The following NECTIN3 variants were observed in gnomAD, a reference collection of about 807,000 sequenced individuals.
NECTIN3 encodes the protein nectin-3.
A neutral mutation model predicts 49.4 loss-of-function variants in NECTIN3; 8 were observed. The observed-to-expected ratio is 0.16, with a 90% confidence interval of 0.10 to 0.29. NECTIN3 has a LOEUF of 0.29. NECTIN3 is among the 10% of genes least tolerant of loss of function. NECTIN3 has a pLI of 1.00. For synonymous variants in NECTIN3, 277 were observed against 241.1 expected (o/e 1.15, Z -1.38); for missense variants, 581 against 654.6 (o/e 0.89, Z 1.23).
chr3:111,126,037 C>G (rs1055284898), intron 4 of NECTIN3, 147 bp from the exon 5 acceptor site: 21 of 545,752 alleles, frequency 3.8e-5, no homozygotes, highest in Admixed American at 1.3e-4. Context: ...AAATTTGTTA[C>G]TTTTTTTTTA....
intron 1 of NECTIN3, chr3:111,072,499 C>T (rs1286543929): frequency 2.6e-6 from 4 of 1,535,830 alleles, no homozygotes; most frequent in East Asian, 2.4e-5. Context: ...CGCTCATTCT[C>T]TGGGAACCCT....
At chr3:111,090,737 C>T (rs2032217718) in intron 1 of NECTIN3, among the ~76,000 whole-genome samples, 1 of 151,724 alleles carries the variant, frequency 6.6e-6, no homozygotes, top group Non-Finnish European at 1.5e-5. Context: ...CTCTGAAGAT[C>T]ATCCTTTGTA....
chr3:111,079,778 C>A (rs1170253493), intron 1 of NECTIN3, among the ~76,000 whole-genome samples: 1 of 151,852 alleles, frequency 6.6e-6, no homozygotes, highest in East Asian at 2.0e-4. Context: ...TTACTGCCAA[C>A]ACAATCTTTG....
intron 7 of NECTIN3, among the ~76,000 whole-genome samples, chr3:111,182,469 A>G (rs1404387529): frequency 6.6e-6 from 1 of 152,086 alleles, no homozygotes; most frequent in East Asian, 1.9e-4. Flanking sequence ...TCTCCTTTCA[A>G]TTCTGTCGGT....
intron 1 of NECTIN3, among the ~76,000 whole-genome samples, chr3:111,081,967 T>A (rs1262476863): frequency 6.6e-6 from 1 of 152,176 alleles, no homozygotes; most frequent in Non-Finnish European, 1.5e-5. Context: ...GGCAGAAATG[T>A]AAAAAATATA....
chr3:111,078,097 T>G (rs116203594), intron 1 of NECTIN3, among the ~76,000 whole-genome samples: 363 of 152,348 alleles, frequency 2.4e-3, no homozygotes, highest in African/African-American at 8.3e-3. Flanking sequence ...TCATTTCAAT[T>G]TGGACTAGCC....
intron 1 of NECTIN3, among the ~76,000 whole-genome samples, chr3:111,075,586 AT>A (rs1224789995): frequency 6.6e-5 from 10 of 152,138 alleles, no homozygotes; most frequent in African/African-American, 2.4e-4. Context: ...GGTATTAGTG[AT>A]TCTTAAATTC....
intron 7 of NECTIN3, among the ~76,000 whole-genome samples, chr3:111,177,639 A>G (rs997445850): frequency 2.0e-5 from 3 of 152,214 alleles, no homozygotes; most frequent in African/African-American, 7.2e-5. Flanking sequence ...TGTTGATGAA[A>G]CTAAGGTTTA....
At chr3:111,072,293 G>T in intron 1 of NECTIN3, 116 bp downstream of exon 1, 1 of 1,446,932 alleles carries the variant, frequency 6.9e-7, no homozygotes, top group Non-Finnish European at 9.0e-7. Context: ...TTGTGCGAGC[G>T]AGTGCCGAGG....
At chr3:111,116,836 CTG>C (rs2033707486) in intron 2 of NECTIN3, among the ~76,000 whole-genome samples, 1 of 151,984 alleles carries the variant, frequency 6.6e-6, no homozygotes, top group African/African-American at 2.4e-5. Context: ...ATTGAGAAGT[CTG>C]TGATAATATC....
At chr3:111,072,389 C>G in intron 1 of NECTIN3, 1 of 1,509,242 alleles carries the variant, frequency 6.6e-7, no homozygotes, top group Non-Finnish European at 8.8e-7. Context: ...GCCCGCTGCC[C>G]TCCCCCGCGG....
chr3:111,088,554 T>C (rs1177381794), intron 1 of NECTIN3, among the ~76,000 whole-genome samples: 1 of 152,126 alleles, frequency 6.6e-6, no homozygotes, highest in Non-Finnish European at 1.5e-5. Context: ...TATGATTTTT[T>C]CCCCCATTTT....
intron 1 of NECTIN3, chr3:111,072,384 C>A: frequency 6.7e-7 from 1 of 1,500,810 alleles, no homozygotes; most frequent in Non-Finnish European, 8.8e-7. Context: ...CGGCGGCCCG[C>A]TGCCCTCCCC....
intron 1 of NECTIN3, chr3:111,072,545 T>G (rs1158385489): frequency 2.0e-6 from 3 of 1,535,688 alleles, no homozygotes; most frequent in African/African-American, 1.4e-5. Context: ...GTTTGCCGCT[T>G]TTTTTCCCGG....
At chr3:111,126,392 G>T in intron 5 of NECTIN3, 57 bp downstream of exon 5, 1 of 1,375,120 alleles carries the variant, frequency 7.3e-7, no homozygotes, top group South Asian at 1.3e-5. Flanking sequence ...AATAATCATA[G>T]TAACAATATG....
chr3:111,087,039 ATTGT>A (rs1338398254), intron 1 of NECTIN3, among the ~76,000 whole-genome samples: 2 of 152,016 alleles, frequency 1.3e-5, no homozygotes, highest in East Asian at 1.9e-4. Context: ...ATGTTTTCTC[ATTGT>A]TTGTGGCATG....
chr3:111,135,856 CCT>C lies in NECTIN3; in HGVS notation c.*1644_*1645del, dbSNP rs1039027533. On this transcript the variant is annotated 3_prime_UTR_variant, in exon 6 of 6. Coordinates refer to ENST00000485303, the MANE Select transcript of NECTIN3 (RefSeq NM_015480.3). ...AGCACTATTTTGTGGAAATTAGAAA[CCT>C]CTTTTATTTCTCTTCCCAAAAGTAA... 16 of 925,656 alleles carry C rather than the reference CCT, an allele frequency of 1.7e-5. No homozygotes were observed. In the African/African-American group the frequency reaches 2.2e-4, roughly 13 times the overall value. 57.3% of individuals were successfully genotyped at this position (925,656 alleles called of 1,614,324 possible).
At chr3:111,184,112 T>TACTTC (rs1379045672) in intron 7 of NECTIN3, among the ~76,000 whole-genome samples, 2 of 152,194 alleles carry the variant, frequency 1.3e-5, no homozygotes, top group Non-Finnish European at 2.9e-5. Flanking sequence ...CTTCAGTGTC[T>TACTTC]ACTCTGCTAC....
rs2031225329 is a variant in NECTIN3, at chr3:111,076,717, C to T, written c.160+4540C>T. ...AGGCACAGTGGCTCACGCCTGTAAT[C>T]CCAGCACTTTGGGAGGCTGATAGCT... is the stretch of plus-strand genomic sequence containing the variant. On this transcript the variant is annotated intron_variant, in intron 1 of 5. Coordinates refer to ENST00000485303, the MANE Select transcript of NECTIN3 (RefSeq NM_015480.3). Among the ~76,000 whole-genome samples the T allele has an allele frequency of 2.0e-5, 3 of 152,090 alleles. No individual in the cohort carries two copies. The South Asian group carries it at 6.2e-4, about 32-fold the overall frequency.
Sources: allele counts gnomAD v4.1 joint callset (sites outside exome capture counted in the v4.1 genomes callset), GRCh38; gene constraint gnomAD v4.1.1; transcripts MANE v1.5; gene names NCBI Gene and HGNC (gene_info 2026-07-23, HGNC 2026-07-21).